Variants in MDFIC observed in about 807,000 individuals in gnomAD.
MDFIC encodes the protein MyoD family inhibitor domain containing.
In MDFIC, 17 loss-of-function variants were observed where a neutral mutation model predicts 23.2. The ratio of observed to expected loss-of-function variants is 0.73; its 90% CI spans 0.50 to 1.10. The LOEUF (loss-of-function observed/expected upper bound fraction) is 1.10, where lower values mean the gene tolerates loss of function less well. Among genes scored for constraint, MDFIC ranks in the 50% least tolerant of loss-of-function variants. The pLI is 0.00. For synonymous variants in MDFIC, 120 were observed against 115.2 expected (o/e 1.04, Z -0.27); for missense variants, 356 against 316.6 (o/e 1.12, Z -0.95).
At chr7:114,992,275 T>C (rs1791188380) in intron 4 of MDFIC, among the ~76,000 whole-genome samples, 1 of 152,354 alleles carries the variant, frequency 6.6e-6, no homozygotes, top group Non-Finnish European at 1.5e-5. Context: ...TTTCTAAATA[T>C]ACAATTACGT....
chr7:114,992,974 C>T (rs1381058858), intron 4 of MDFIC, among the ~76,000 whole-genome samples: 1 of 152,156 alleles, frequency 6.6e-6, no homozygotes, highest in Non-Finnish European at 1.5e-5. Context: ...GTGAATCCGT[C>T]TGGTCCTGGA....
intron 4 of MDFIC, chr7:114,980,103 T>C (rs1430321672): frequency 5.8e-6 from 2 of 346,246 alleles, no homozygotes; most frequent in Non-Finnish European, 1.1e-5. Flanking sequence ...TGTGTGTGTG[T>C]ATTTTTATCC....
intron 4 of MDFIC, among the ~76,000 whole-genome samples, chr7:114,989,642 T>C (rs576965545): frequency 5.3e-5 from 8 of 152,320 alleles, no homozygotes; most frequent in African/African-American, 1.7e-4. Context: ...AGCAAGAGAA[T>C]TGAGCAACCA....
intron 4 of MDFIC, among the ~76,000 whole-genome samples, chr7:114,980,621 A>G (rs1468101360): frequency 1.3e-5 from 2 of 152,190 alleles, no homozygotes; most frequent in African/African-American, 4.8e-5. Flanking sequence ...CCATGTATCC[A>G]TGGTTCTCTG....
chr7:114,923,599 T>C, intron 2 of MDFIC: 2 of 1,487,502 alleles, frequency 1.3e-6, no homozygotes, highest in Non-Finnish European at 1.8e-6. Context: ...TGGAATGGCT[T>C]ATGCTTGTTT....
chr7:114,924,312 T>C (rs1308660718), intron 2 of MDFIC, among the ~76,000 whole-genome samples: 1 of 152,214 alleles, frequency 6.6e-6, no homozygotes, highest in African/African-American at 2.4e-5. Flanking sequence ...CCCTTAGTAG[T>C]CATATCGACT....
intron 4 of MDFIC, among the ~76,000 whole-genome samples, chr7:114,992,287 A>T (rs187332048): frequency 6.6e-6 from 1 of 152,352 alleles, no homozygotes; most frequent in East Asian, 1.9e-4. Flanking sequence ...CAATTACGTC[A>T]TCTGCAAACA....
At chr7:115,011,523 T>A (rs527467966) in intron 4 of MDFIC, among the ~76,000 whole-genome samples, 1 of 152,340 alleles carries the variant, frequency 6.6e-6, no homozygotes, top group East Asian at 1.9e-4. Context: ...TTGAGGAAGA[T>A]AAGTTAGCAA....
intron 4 of MDFIC, among the ~76,000 whole-genome samples, chr7:114,992,004 T>C (rs997689545): frequency 2.0e-5 from 3 of 152,252 alleles, no homozygotes; most frequent in African/African-American, 7.2e-5. Flanking sequence ...CTTCCATTTG[T>C]TTGTGTCCTC....
Position 114,974,641 on chromosome 7 carries a change from G to A in MDFIC, c.218-4865G>A, listed in dbSNP as rs1022621503. On this transcript the variant is annotated intron_variant, in intron 3 of 4. Coordinates refer to ENST00000393486, the MANE Select transcript of MDFIC (RefSeq NM_001166345.3). ...AATAGATTATACACTATAGCAAAATGTTGCTTTATATTGCTACTCCAGCAG... is the reference window on the plus strand; with the variant it reads ...AATAGATTATACACTATAGCAAAATATTGCTTTATATTGCTACTCCAGCAG... Among the ~76,000 whole-genome samples the A allele has an allele frequency of 3.9e-5, 6 of 152,160 alleles. No individual in the cohort carries two copies. The East Asian group carries it at 1.2e-3, about 29-fold the overall frequency.
At chr7:114,969,777 C>T (rs530007887) in intron 3 of MDFIC, among the ~76,000 whole-genome samples, 10 of 152,268 alleles carry the variant, frequency 6.6e-5, no homozygotes, top group Admixed American at 6.5e-4. Flanking sequence ...CTCACACAAA[C>T]GTATATGTAC....
At chr7:114,966,226 A>G (rs1365987668) in intron 3 of MDFIC, among the ~76,000 whole-genome samples, 3 of 152,138 alleles carry the variant, frequency 2.0e-5, no homozygotes, top group Admixed American at 2.0e-4. Flanking sequence ...ATTTCTTCAT[A>G]ATGTCAAAGA....
chr7:114,940,688 G>A (rs1792520542), intron 2 of MDFIC, among the ~76,000 whole-genome samples: 1 of 152,130 alleles, frequency 6.6e-6, no homozygotes, highest in Non-Finnish European at 1.5e-5. Flanking sequence ...CCACTAGACT[G>A]TAAACTCCAA....
intron 3 of MDFIC, among the ~76,000 whole-genome samples, chr7:114,963,782 G>A (rs1381356885): frequency 1.3e-5 from 2 of 152,130 alleles, no homozygotes; most frequent in East Asian, 3.8e-4. Flanking sequence ...ATCTTGTTAT[G>A]TTGCCCAAGC....
intron 4 of MDFIC, among the ~76,000 whole-genome samples, chr7:115,006,870 T>C (rs1791579526): frequency 6.6e-6 from 1 of 152,208 alleles, no homozygotes; most frequent in Non-Finnish European, 1.5e-5. Flanking sequence ...AAACTTCTTA[T>C]ATTAGAAATA....
At chr7:115,001,287 T>G (rs192384291) in intron 4 of MDFIC, among the ~76,000 whole-genome samples, 2 of 152,190 alleles carry the variant, frequency 1.3e-5, no homozygotes, top group Non-Finnish European at 2.9e-5. Flanking sequence ...ATTAATATAC[T>G]AGTTTTCCAA....
intron 2 of MDFIC, among the ~76,000 whole-genome samples, chr7:114,936,784 GT>G (rs1792432824): frequency 6.6e-6 from 1 of 152,006 alleles, no homozygotes; most frequent in African/African-American, 2.4e-5. Context: ...ACTGAGCTAA[GT>G]TTTTTTCTTT....
intron 4 of MDFIC, among the ~76,000 whole-genome samples, chr7:114,982,721 T>C (rs1793439215): frequency 6.6e-6 from 1 of 151,998 alleles, no homozygotes; most frequent in African/African-American, 2.4e-5. Flanking sequence ...ATAAAACACC[T>C]GAGACTGGGT....
At chr7:114,980,619 C>G (rs915696889) in intron 4 of MDFIC, among the ~76,000 whole-genome samples, 1 of 152,122 alleles carries the variant, frequency 6.6e-6, no homozygotes, top group Non-Finnish European at 1.5e-5. Flanking sequence ...TTCCATGTAT[C>G]CATGGTTCTC....
Sources: allele counts gnomAD v4.1 joint callset (sites outside exome capture counted in the v4.1 genomes callset), GRCh38; gene constraint gnomAD v4.1.1; transcripts MANE v1.5; gene names NCBI Gene and HGNC (gene_info 2026-07-23, HGNC 2026-07-21).